Variants in ERBB4 observed in about 807,000 individuals in gnomAD.
ERBB4 encodes receptor tyrosine-protein kinase erbB-4.
In ERBB4, 42 loss-of-function variants were observed where a neutral mutation model predicts 158.0. The ratio of observed to expected loss-of-function variants is 0.27; its 90% CI spans 0.21 to 0.34. ERBB4 has a LOEUF of 0.34. Ranked by LOEUF, ERBB4 falls within the 10% of genes least tolerant of loss-of-function variation. The pLI is 1.00. For missense variants in ERBB4, 1,333 were observed against 1,624.1 expected, an observed-to-expected ratio of 0.82 and a Z score of 3.08; for synonymous variants, 583 against 558.7, an observed-to-expected ratio of 1.04 and a Z score of -0.61.
At position 212,366,039 on chromosome 2, in the gene ERBB4, T is replaced by C. The variant is rs137973232; in HGVS notation, c.82+172410A>G. Among the ~76,000 whole-genome samples the C allele has an allele frequency of 7.6e-3, 1,151 of 151,932 alleles. 16 individuals are homozygous for C. The highest frequency in any genetic ancestry group is 0.027 in the African/African-American group (1,112 of 41,480). ...CAAATCTAAGAAAATGCCCTAAAAA[T>C]TTTGATATGTCATTCAGTGGCAGTG... is the stretch of plus-strand genomic sequence containing the variant. On this transcript the variant is annotated intron_variant, in intron 1 of 27. Coordinates refer to ENST00000342788, the MANE Select transcript of ERBB4 (RefSeq NM_005235.3).
intron 1 of ERBB4, among the ~76,000 whole-genome samples, chr2:212,453,175 T>C (rs1688092705): frequency 6.6e-6 from 1 of 152,216 alleles, no homozygotes; most frequent in African/African-American, 2.4e-5. Flanking sequence ...ATGATGATAA[T>C]CAAGTATCAA....
intron 23 of ERBB4, among the ~76,000 whole-genome samples, chr2:211,423,459 CTTAAA>C (rs1164800244): frequency 2.0e-5 from 3 of 151,882 alleles, no homozygotes; most frequent in South Asian, 2.1e-4. Flanking sequence ...GTTAATCTCA[CTTAAA>C]TTAAGCCAGA....
At chr2:212,483,987 C>T (rs576334999) in intron 1 of ERBB4, among the ~76,000 whole-genome samples, 1 of 152,262 alleles carries the variant, frequency 6.6e-6, no homozygotes, top group East Asian at 1.9e-4. Context: ...CCGCCCACCT[C>T]GGCCTCCCAA....
intron 15 of ERBB4, among the ~76,000 whole-genome samples, chr2:211,661,069 G>A (rs572646752): frequency 1.3e-5 from 2 of 152,148 alleles, no homozygotes; most frequent in African/African-American, 4.8e-5. Flanking sequence ...GACTGAGGGA[G>A]CAGGATGTAG....
intron 1 of ERBB4, among the ~76,000 whole-genome samples, chr2:212,388,333 T>A (rs1049131287): frequency 2.0e-5 from 3 of 152,158 alleles, no homozygotes; most frequent in African/African-American, 7.2e-5. Context: ...GCATTTTATT[T>A]GAAGTGGTCA....
At chr2:211,487,523 A>T (rs555116580) in intron 20 of ERBB4, among the ~76,000 whole-genome samples, 1 of 152,212 alleles carries the variant, frequency 6.6e-6, no homozygotes, top group South Asian at 2.1e-4. Context: ...CTCCTTCAGC[A>T]TTGCAACTTG....
chr2:211,637,373 G>C (rs1238412760), intron 16 of ERBB4, among the ~76,000 whole-genome samples: 1 of 151,830 alleles, frequency 6.6e-6, no homozygotes, highest in Non-Finnish European at 1.5e-5. Flanking sequence ...TCTTAATTAT[G>C]TATATAATTT....
rs1491409900 is a variant in ERBB4 at position 212,286,765 on chromosome 2, TAA to T, written c.83-161864_83-161863del. On this transcript the variant is annotated intron_variant, in intron 1 of 27. Transcript: ENST00000342788. ...TATAGGCGGGTGGCACCATGAGGGT[TAA>T]TTTTTTTTTTTTTTTTTTTTTTTGT... Among the ~76,000 whole-genome samples, 14 of 118,536 alleles carry T rather than the reference TAA, an allele frequency of 1.2e-4. No homozygotes were observed. The East Asian group carries it at 2.5e-3, about 21-fold the overall frequency. The allele number at this position is 118,536 out of a possible 152,430, so 77.8% of individuals were successfully genotyped here. A position where few individuals can be genotyped will look rare whatever the true frequency, so the allele number is the denominator to read the frequency against.
At chr2:211,523,565 G>A (rs116579011) in intron 20 of ERBB4, among the ~76,000 whole-genome samples, 13,119 of 151,648 alleles carry the variant, frequency 0.087, 743 homozygotes, top group African/African-American at 0.16. Flanking sequence ...CCTAGGCTCA[G>A]GAGTTAAGCT....
rs182281082 is a variant in ERBB4, at chr2:212,162,083, T to C, written c.83-37180A>G. 4.6e-4 allele frequency among the ~76,000 whole-genome samples: 70 copies of C among 151,974 alleles called. 1 individual carries two copies. Among genetic ancestry groups the C allele is most frequent in the African/African-American group, 1.6e-3 (67 of 41,542 alleles). ...CTCTTCTATAACCCAGCAATTCTACTTCTTGGTATTTACTCAAGAAAGTGA... is the reference window on the plus strand; with the variant it reads ...CTCTTCTATAACCCAGCAATTCTACCTCTTGGTATTTACTCAAGAAAGTGA... On this transcript the variant is annotated intron_variant, in intron 1 of 27. Transcript: ENST00000342788.
intron 19 of ERBB4, among the ~76,000 whole-genome samples, chr2:211,610,662 G>A (rs957336421): frequency 5.9e-5 from 9 of 152,192 alleles, no homozygotes; most frequent in African/African-American, 1.9e-4. Flanking sequence ...GCCCTATGTG[G>A]CATCATAACA....
chr2:211,821,148 T>C (rs975213681), intron 3 of ERBB4, among the ~76,000 whole-genome samples: 2 of 151,760 alleles, frequency 1.3e-5, no homozygotes, highest in African/African-American at 4.8e-5. Flanking sequence ...TATAGACAGA[T>C]CTGAAGACTA....
At chr2:212,469,280 A>G (rs1426817002) in intron 1 of ERBB4, among the ~76,000 whole-genome samples, 1 of 152,206 alleles carries the variant, frequency 6.6e-6, no homozygotes, top group East Asian at 1.9e-4. Context: ...AATACTTCAA[A>G]GTTTTCTCAC....
At position 211,646,448 on chromosome 2, in the gene ERBB4, C is replaced by A. The variant is rs141419713; in HGVS notation, c.1946+11306G>T. ...GGCATATGGGACAAATCACTAAGAC[C>A]AGAACCATTGCTTGAAGATAAATTT... is the stretch of plus-strand genomic sequence containing the variant. On this transcript the variant is annotated intron_variant, in intron 16 of 27. Coordinates refer to ENST00000342788, the MANE Select transcript of ERBB4 (RefSeq NM_005235.3). Among the ~76,000 whole-genome samples the A allele has an allele frequency of 1.5e-3, 232 of 151,538 alleles. 1 individual carries two copies. The highest frequency in any genetic ancestry group is 5.4e-3 in the African/African-American group (224 of 41,480).
At chr2:212,457,752 G>A (rs1216733949) in intron 1 of ERBB4, among the ~76,000 whole-genome samples, 1 of 151,942 alleles carries the variant, frequency 6.6e-6, no homozygotes, top group African/African-American at 2.4e-5. Context: ...CTGGTAAAGA[G>A]TATTGACTAG....
chr2:212,429,988 A>G (rs2091992071), intron 1 of ERBB4, among the ~76,000 whole-genome samples: 1 of 152,236 alleles, frequency 6.6e-6, no homozygotes, highest in African/African-American at 2.4e-5. Flanking sequence ...ATACATATGC[A>G]GAATTGCACC....
chr2:211,725,473 C>G (rs1198214126), intron 5 of ERBB4, among the ~76,000 whole-genome samples: 1 of 139,048 alleles, frequency 7.2e-6, no homozygotes, highest in Non-Finnish European at 1.5e-5. Flanking sequence ...AAGTCAGGCA[C>G]AGTGGAGTGT....
chr2:212,157,938 C>T (rs999493983), intron 1 of ERBB4, among the ~76,000 whole-genome samples: 8 of 152,050 alleles, frequency 5.3e-5, no homozygotes, highest in African/African-American at 1.7e-4. Context: ...ACTAAATACA[C>T]AAATCTGATT....
At chr2:211,820,285 T>C (rs899410774) in intron 3 of ERBB4, among the ~76,000 whole-genome samples, 1 of 151,826 alleles carries the variant, frequency 6.6e-6, no homozygotes, top group Non-Finnish European at 1.5e-5. Flanking sequence ...TGAAATAGTG[T>C]CTCTTCTACT....
Sources: gnomAD v4.1 joint callset for allele counts (sites outside exome capture counted in the v4.1 genomes callset) on GRCh38, gnomAD v4.1.1 for gene constraint, MANE v1.5 for transcripts, NCBI Gene and HGNC (gene_info 2026-07-23, HGNC 2026-07-21) for gene names.